HECW1: variants seen among roughly 807,000 people sequenced by gnomAD.
HECW1 encodes the protein E3 ubiquitin-protein ligase HECW1.
A neutral mutation model predicts 182.3 loss-of-function variants in HECW1; 61 were observed. The ratio of observed to expected loss-of-function variants is 0.33; its 90% CI spans 0.27 to 0.41. HECW1 has a LOEUF of 0.41. Among genes scored for constraint, HECW1 ranks in the 10% least tolerant of loss-of-function variants. The probability of loss-of-function intolerance (pLI) is 1.00; values close to 1 mark genes in which losing one functional copy is unlikely to be tolerated. For synonymous variants in HECW1, 859 were observed against 832.6 expected, an observed-to-expected ratio of 1.03 and a Z score of -0.55; for missense variants, 1,739 against 2,108.9, an observed-to-expected ratio of 0.82 and a Z score of 3.44.
chr7:43,134,981 T>C (rs1298559508), intron 2 of HECW1, among the ~76,000 whole-genome samples: 1 of 152,234 alleles, frequency 6.6e-6, no homozygotes, highest in Admixed American at 6.5e-5. Context: ...TGACTTTACC[T>C]GAAACATGAA....
Position 43,205,251 on chromosome 7 carries a change from CTGTT to C in HECW1, c.-31-38620_-31-38617del, listed in dbSNP as rs1209082332. ...GGCACCCACCACCATGCCCAGCTAA[CTGTT>C]TGTATTTTTAGTAGAGGTGGTGTTT... On this transcript the variant is annotated intron_variant, in intron 2 of 29. Transcript: ENST00000395891. 7.2e-5 allele frequency among the ~76,000 whole-genome samples: 11 copies of C among 152,230 alleles called. No homozygotes were observed. In the East Asian group the frequency reaches 1.9e-3, roughly 27 times the overall value.
At chr7:43,114,635 C>T (rs1028757466) in intron 2 of HECW1, among the ~76,000 whole-genome samples, 4 of 152,266 alleles carry the variant, frequency 2.6e-5, no homozygotes, top group African/African-American at 7.2e-5. Flanking sequence ...GCAAATTGGC[C>T]GTTCTAGTGT....
chr7:43,564,806 T>C lies in HECW1; in HGVS notation c.*2880T>C, dbSNP rs1354650509. The C allele has an allele frequency of 5.5e-6, 1 of 182,246 alleles. No individual in the cohort carries two copies. Among genetic ancestry groups the C allele is most frequent in the African/African-American group, 2.4e-5 (1 of 42,532 alleles). The allele number at this position is 182,246 out of a possible 1,614,324, so 11.3% of individuals were successfully genotyped here. ...AATGAAATAGCTATAGAACTAAATT[T>C]CACTTAGGTGGAGGTATAAACCACC... On this transcript the variant is annotated 3_prime_UTR_variant, in exon 30 of 30. Coordinates refer to ENST00000395891, the MANE Select transcript of HECW1 (RefSeq NM_015052.5).
intron 3 of HECW1, chr7:43,274,343 T>C: frequency 1.3e-6 from 1 of 749,132 alleles, no homozygotes; most frequent in South Asian, 1.9e-5. Context: ...GGCTGGATTG[T>C]CTACTGTGGA....
intron 2 of HECW1, among the ~76,000 whole-genome samples, chr7:43,233,613 AC>A (rs1798064288): frequency 1.3e-5 from 2 of 152,180 alleles, no homozygotes; most frequent in Non-Finnish European, 2.9e-5. Context: ...GCAAAATAAT[AC>A]TTTTGTGGAA....
In HECW1 at chr7:43,509,011, G is replaced by A. The variant is rs1229251103; in HGVS notation, c.3909G>A (p.Leu1303=). The A allele has an allele frequency of 6.2e-7, 1 of 1,613,974 alleles. No individual in the cohort carries two copies. Among genetic ancestry groups the A allele is most frequent in the East Asian group, 2.2e-5 (1 of 44,890 alleles). Residue 1303 remains leucine, a synonymous_variant, in exon 24 of 30, where the codon CTG becomes CTA. Transcript: ENST00000395891. ...SGPSREFFFL[L]SQELFNPYYG... ...CCTCGCGGGAGTTCTTCTTCCTTCTGTCTCAGGAGCTCTTCAACCCTTACT... is the reference window on the plus strand; with the variant it reads ...CCTCGCGGGAGTTCTTCTTCCTTCTATCTCAGGAGCTCTTCAACCCTTACT...
At chr7:43,471,512 G>A (rs1446031784) in intron 16 of HECW1, among the ~76,000 whole-genome samples, 4 of 152,216 alleles carry the variant, frequency 2.6e-5, no homozygotes, top group East Asian at 1.9e-4. Context: ...CTTTGAATGC[G>A]TGGTCATCTC....
intron 7 of HECW1, among the ~76,000 whole-genome samples, chr7:43,402,542 C>G (rs540419081): frequency 1.3e-5 from 2 of 152,304 alleles, no homozygotes; most frequent in African/African-American, 2.4e-5. Context: ...GGAACACCCT[C>G]AGGTTTATAA....
chr7:43,267,417 T>A (rs1801917108), intron 3 of HECW1, among the ~76,000 whole-genome samples: 1 of 152,052 alleles, frequency 6.6e-6, no homozygotes, highest in African/African-American at 2.4e-5. Context: ...AATATAATAA[T>A]TATACATTAA....
intron 2 of HECW1, among the ~76,000 whole-genome samples, chr7:43,230,166 G>T (rs1025836625): frequency 6.6e-6 from 1 of 152,250 alleles, no homozygotes; most frequent in Non-Finnish European, 1.5e-5. Flanking sequence ...ACCGAGGCGG[G>T]AGGATTGCTT....
chr7:43,188,235 A>G (rs1006959428), intron 2 of HECW1, among the ~76,000 whole-genome samples: 4 of 152,182 alleles, frequency 2.6e-5, no homozygotes, highest in Non-Finnish European at 5.9e-5. Context: ...GTTATTTCCA[A>G]ATCCCACAGA....
At chr7:43,517,204 A>C (rs1056845155) in intron 24 of HECW1, among the ~76,000 whole-genome samples, 1 of 152,174 alleles carries the variant, frequency 6.6e-6, no homozygotes, top group Non-Finnish European at 1.5e-5. Context: ...AATGTCTGTG[A>C]GCTCATTTAT....
chr7:43,488,488 G>GA, intron 17 of HECW1, among the ~76,000 whole-genome samples: 1 of 112,710 alleles, frequency 8.9e-6, no homozygotes, highest in East Asian at 2.8e-4. Context: ...AAGAAAGAAA[G>GA]AGAAAGAAAG....
At chr7:43,424,859 T>G (rs182171890) in intron 8 of HECW1, among the ~76,000 whole-genome samples, 1 of 152,254 alleles carries the variant, frequency 6.6e-6, no homozygotes, top group East Asian at 1.9e-4. Flanking sequence ...TTTTTAAAAT[T>G]TTAAGCCCAG....
chr7:43,222,990 C>T (rs575133932), intron 2 of HECW1, among the ~76,000 whole-genome samples: 1 of 152,332 alleles, frequency 6.6e-6, no homozygotes, highest in East Asian at 1.9e-4. Flanking sequence ...GTCTAAGAAG[C>T]ATTTCAAACA....
intron 3 of HECW1, among the ~76,000 whole-genome samples, chr7:43,299,560 G>T (rs1377215071): frequency 6.6e-6 from 1 of 152,196 alleles, no homozygotes; most frequent in Non-Finnish European, 1.5e-5. Flanking sequence ...TTTCCAAACT[G>T]CCTCAATTGT....
intron 2 of HECW1, among the ~76,000 whole-genome samples, chr7:43,180,686 C>T (rs558134406): frequency 6.6e-6 from 1 of 152,308 alleles, no homozygotes; most frequent in African/African-American, 2.4e-5. Context: ...TGAGCCACCG[C>T]GCCTGGCCAG....
intron 17 of HECW1, among the ~76,000 whole-genome samples, chr7:43,488,402 A>G (rs1248658546): frequency 5.8e-5 from 6 of 102,590 alleles, no homozygotes; most frequent in African/African-American, 2.5e-4. Flanking sequence ...AAGGAAGGAA[A>G]TGAAAGAAAG....
At chr7:43,350,132 C>T (rs1019254545) in intron 5 of HECW1, among the ~76,000 whole-genome samples, 7 of 152,078 alleles carry the variant, frequency 4.6e-5, no homozygotes, top group Admixed American at 2.6e-4. Context: ...TGCTTAGTTT[C>T]GCTAGATACA....
Sources: allele counts gnomAD v4.1 joint callset (sites outside exome capture counted in the v4.1 genomes callset), GRCh38; gene constraint gnomAD v4.1.1; transcripts MANE v1.5; gene names NCBI Gene and HGNC (gene_info 2026-07-23, HGNC 2026-07-21).